Variants in TNC observed in about 807,000 individuals in gnomAD.
The protein encoded by TNC is tenascin.
In TNC, 109 loss-of-function variants were observed where a neutral mutation model predicts 202.4. The ratio of observed to expected loss-of-function variants is 0.54; its 90% CI spans 0.46 to 0.63. The LOEUF (loss-of-function observed/expected upper bound fraction) is 0.63, where lower values mean the gene tolerates loss of function less well. TNC is among the 30% of genes least tolerant of loss of function. The probability of loss-of-function intolerance (pLI) is 0.00; values close to 1 mark genes in which losing one functional copy is unlikely to be tolerated. For synonymous variants in TNC, 1,007 were observed against 1,089.7 expected, an observed-to-expected ratio of 0.92 and a Z score of 1.50; for missense variants, 2,756 against 2,833.3, an observed-to-expected ratio of 0.97 and a Z score of 0.62.
intron 15 of TNC, among the ~76,000 whole-genome samples, chr9:115,052,079 C>CATATATATATATATATATACACATAT (rs3035495): frequency 2.6e-4 from 38 of 146,858 alleles, no homozygotes; most frequent in African/African-American, 8.2e-4. Flanking sequence ...TGTATATATA[C>CATATATATATATATATATACACATAT]ATATATATAT....
At chr9:115,103,934 AT>A (rs1248204685) in intron 1 of TNC, among the ~76,000 whole-genome samples, 58 of 152,012 alleles carry the variant, frequency 3.8e-4, no homozygotes, top group African/African-American at 1.3e-3. Context: ...GTGGTTTAGT[AT>A]ACCTAAGAAA....
At chr9:115,087,857 A>G (rs1834917001) in intron 2 of TNC, among the ~76,000 whole-genome samples, 1 of 151,706 alleles carries the variant, frequency 6.6e-6, no homozygotes, top group South Asian at 2.1e-4. Flanking sequence ...GCCCGCCACC[A>G]TGCCCGGCTA....
chr9:115,112,005 G>A (rs1837110328), intron 1 of TNC, among the ~76,000 whole-genome samples: 1 of 152,162 alleles, frequency 6.6e-6, no homozygotes, highest in Non-Finnish European at 1.5e-5. Flanking sequence ...TAGAAACCAT[G>A]AGATAATAAA....
chr9:115,066,971 G>T (rs919461381), intron 10 of TNC, among the ~76,000 whole-genome samples: 1 of 152,160 alleles, frequency 6.6e-6, no homozygotes, highest in East Asian at 1.9e-4. Context: ...CTTGAATACA[G>T]ACTCCTCTTT....
chr9:115,027,836 G>T (rs1325787978), intron 25 of TNC, among the ~76,000 whole-genome samples: 1 of 152,060 alleles, frequency 6.6e-6, no homozygotes, highest in Non-Finnish European at 1.5e-5. Context: ...TCATTGGTTA[G>T]ACTCCTATGG....
Position 115,086,559 on chromosome 9 carries a change from C to T in TNC, c.1172G>A (p.Arg391Gln), listed in dbSNP as rs373595456. The T allele has an allele frequency of 5.5e-5, 89 of 1,613,712 alleles. 1 individual carries two copies. The South Asian group carries it at 5.7e-4, about 10-fold the overall frequency. ...CHNRGRCVDGRCECDDGFTGA... is the reference protein window; with the variant it reads ...CHNRGRCVDGQCECDDGFTGA... ...AGTGAAACCATCATCACACTCACACCGCCCGTCTACACAGCGGCCACGATT... is the reference window on the plus strand; with the variant it reads ...AGTGAAACCATCATCACACTCACACTGCCCGTCTACACAGCGGCCACGATT... Residue 391 changes from arginine (R) to glutamine (Q), a missense_variant, in exon 3 of 28, where the codon CGG (arginine) becomes CAG (glutamine). Arg to Gln is a conservative substitution (Grantham distance 43). This residue lies in a region of TNC where 2,559 missense variants were observed against 2,546.0 expected (regional missense o/e 1.01). Coordinates refer to ENST00000350763, the MANE Select transcript of TNC (RefSeq NM_002160.4).
intron 1 of TNC, among the ~76,000 whole-genome samples, chr9:115,099,843 C>T (rs1836091474): frequency 6.6e-6 from 1 of 152,204 alleles, no homozygotes; most frequent in Non-Finnish European, 1.5e-5. Context: ...CCCTCTCTTT[C>T]CCACTGTTGC....
intron 10 of TNC, among the ~76,000 whole-genome samples, chr9:115,065,953 T>C (rs1190848476): frequency 6.8e-6 from 1 of 148,054 alleles, no homozygotes; most frequent in Non-Finnish European, 1.5e-5. Context: ...TGCCTCAATA[T>C]CCTATGGGAG....
chr9:115,041,999 TA>T (rs1216307126), intron 18 of TNC, among the ~76,000 whole-genome samples: 3 of 152,216 alleles, frequency 2.0e-5, no homozygotes, highest in Non-Finnish European at 4.4e-5. Flanking sequence ...ATTTCAAGGT[TA>T]AAAAAGGTCT....
In TNC at chr9:115,076,433, A is replaced by G. The variant is rs770925584; in HGVS notation, c.2817T>C (p.Asp939=). Residue 939 remains aspartate, a synonymous_variant, in exon 8 of 28, where the codon GAT becomes GAC. Transcript: ENST00000350763. ...PISGGDHAEV[D]VPKSQQATTK... is the part of the protein sequence containing the mutation. ...TTGTGGCTTGTTGGCTCTTTGGAACATCAACCTCAGCGTGGTCCCCTCCAG... is the reference window on the plus strand; with the variant it reads ...TTGTGGCTTGTTGGCTCTTTGGAACGTCAACCTCAGCGTGGTCCCCTCCAG... 2 of 1,614,156 alleles carry G rather than the reference A, an allele frequency of 1.2e-6. No homozygotes were observed. Among genetic ancestry groups the G allele is most frequent in the South Asian group, 2.2e-5 (2 of 91,076 alleles).
rs1405870700 is a variant in TNC at position 115,041,075 on chromosome 9, G to C, written c.5258C>G (p.Ser1753Cys). 3.1e-6 allele frequency: 5 copies of C among 1,613,456 alleles called. No homozygotes were observed. The East Asian group carries it at 1.1e-4, about 36-fold the overall frequency. Residue 1753 changes from serine (S) to cysteine (C), a missense_variant, in exon 19 of 28, where the codon TCC becomes TGC. Transcript: ENST00000350763. Reference protein sequence around the residue: ...TYVPITGGTPSMVTVDGTKTQ... With the variant: ...TYVPITGGTPCMVTVDGTKTQ... ...CTTGGTTCCGTCCACAGTTACCATG[G>C]AGGGTGTACCTGGAACACAGTAAAA...
chr9:115,064,496 T>G (rs1435204232), intron 11 of TNC, 151 bp downstream of exon 11: 1 of 1,040,124 alleles, frequency 9.6e-7, no homozygotes, highest in Non-Finnish European at 1.4e-6. Flanking sequence ...GCCTTGGGGT[T>G]CTGTAGCGTG....
intron 21 of TNC, 98 bp from the exon 22 acceptor site, chr9:115,035,432 T>A: frequency 7.6e-7 from 1 of 1,322,094 alleles, no homozygotes; most frequent in Non-Finnish European, 1.0e-6. Context: ...GTCCTTTCCC[T>A]ACCACTGAAC....
intron 1 of TNC, among the ~76,000 whole-genome samples, chr9:115,105,830 A>G (rs1005120855): frequency 6.6e-6 from 1 of 152,178 alleles, no homozygotes; most frequent in Non-Finnish European, 1.5e-5. Context: ...AGCCAAACAA[A>G]TTACACAACT....
At chr9:115,066,846 C>T (rs1401188455) in intron 10 of TNC, among the ~76,000 whole-genome samples, 1 of 152,198 alleles carries the variant, frequency 6.6e-6, no homozygotes, top group Non-Finnish European at 1.5e-5. Context: ...TTGTTGATGG[C>T]TGCTTTTGTG....
chr9:115,040,865 A>G (rs1830675482), intron 19 of TNC, 76 bp downstream of exon 19: 49 of 1,502,572 alleles, frequency 3.3e-5, no homozygotes, highest in Non-Finnish European at 4.3e-5. Context: ...GCTGAAGGTG[A>G]GAAATGGCAT....
In TNC at chr9:115,030,206, C is replaced by T. The variant is rs371819911; in HGVS notation, c.6072+48G>A. The stretch of plus-strand genomic sequence containing the variant: ...CTTCTCCTCCCCTGCTTTGCCCTCT[C>T]CCTCTTCCCCTAGGCCTGAGGGCTC... On this transcript the variant is annotated intron_variant, in intron 24 of 27. Coordinates refer to ENST00000350763, the MANE Select transcript of TNC (RefSeq NM_002160.4). The T allele has an allele frequency of 3.2e-6, 5 of 1,547,370 alleles. No homozygotes were observed. In the South Asian group the frequency reaches 3.7e-5, roughly 11 times the overall value.
chr9:115,092,016 A>G (rs903547616), intron 1 of TNC, among the ~76,000 whole-genome samples: 1 of 152,104 alleles, frequency 6.6e-6, no homozygotes, highest in Non-Finnish European at 1.5e-5. Flanking sequence ...GGGTGGTAGA[A>G]ATAAATATAA....
In TNC at chr9:115,087,071, A is replaced by C. The variant is rs751801048; in HGVS notation, c.660T>G (p.Ala220=). Reference sequence around the variant, plus strand: ...CCTGGTCATTGCAGTCGCTGGGGCAAGCCAGCTGGCTGCAGTCCTCGCCCG... The same window carrying C: ...CCTGGTCATTGCAGTCGCTGGGGCACGCCAGCTGGCTGCAGTCCTCGCCCG... ...GFTGEDCSQL[A]CPSDCNDQGK... is the part of the protein sequence containing the mutation. Residue 220 remains alanine (A), a synonymous_variant, in exon 3 of 28, where the codon GCT becomes GCG. Transcript: ENST00000350763. 1.9e-6 allele frequency: 3 copies of C among 1,613,110 alleles called. No individual in the cohort carries two copies. The highest frequency in any genetic ancestry group is 1.3e-5 in the African/African-American group (1 of 74,886).
Sources: allele counts gnomAD v4.1 joint callset (sites outside exome capture counted in the v4.1 genomes callset), GRCh38; gene constraint gnomAD v4.1.1; regional missense constraint gnomAD v4.1.1; transcripts MANE v1.5; gene names NCBI Gene and HGNC (gene_info 2026-07-23, HGNC 2026-07-21).